Variants in BTG4 observed in about 807,000 individuals in gnomAD.
The protein encoded by BTG4 is BTG anti-proliferation factor 4.
Under a neutral mutation model 19.3 loss-of-function variants are expected in BTG4, and 10 were observed. The observed-to-expected ratio is 0.52, with a 90% confidence interval of 0.32 to 0.88. The LOEUF is 0.88. Ranked by LOEUF, BTG4 falls within the 40% of genes least tolerant of loss-of-function variation. The pLI is 0.04. For missense variants in BTG4, 238 were observed against 281.9 expected (o/e 0.84, Z 1.11); for synonymous variants, 91 against 95.7 (o/e 0.95, Z 0.29).
chr11:111,443,603 G>A, the BTG4 span, among the ~76,000 whole-genome samples: 15 of 152,310 alleles, frequency 9.8e-5, no homozygotes, highest in South Asian at 1.7e-3. Flanking sequence ...AAAAAAAAGA[G>A]AGACAAAAGG....
intron 5 of BTG4, among the ~76,000 whole-genome samples, chr11:111,484,070 A>C (rs1864902886): frequency 6.6e-6 from 1 of 152,164 alleles, no homozygotes; most frequent in African/African-American, 2.4e-5. Flanking sequence ...GTGGAATGAC[A>C]TTCAAAGTGC....
the BTG4 span, among the ~76,000 whole-genome samples, chr11:111,408,914 A>T: frequency 6.6e-6 from 1 of 152,320 alleles, no homozygotes; most frequent in East Asian, 1.9e-4. Flanking sequence ...AGGAGACACA[A>T]GGTGCTGTGG....
At chr11:111,491,974 T>C (rs1405831793), downstream of BTG4, among the ~76,000 whole-genome samples, 1 of 152,158 alleles carries the variant, frequency 6.6e-6, no homozygotes, top group Non-Finnish European at 1.5e-5. Context: ...CAGAGCCTCC[T>C]GAGAGGCTCT....
the BTG4 span, among the ~76,000 whole-genome samples, chr11:111,446,081 C>G: frequency 1.3e-5 from 2 of 152,110 alleles, no homozygotes; most frequent in African/African-American, 4.8e-5. Context: ...CAGAACATCC[C>G]TTAAGACCTC....
At chr11:111,432,856 T>A in the BTG4 span, among the ~76,000 whole-genome samples, 1 of 150,186 alleles carries the variant, frequency 6.7e-6, no homozygotes, top group Admixed American at 6.7e-5. Context: ...GTAATATATC[T>A]TTTTTTTTTC....
the BTG4 span, among the ~76,000 whole-genome samples, chr11:111,454,753 A>G: frequency 6.7e-6 from 1 of 148,378 alleles, no homozygotes; most frequent in Non-Finnish European, 1.5e-5. Context: ...CTTCCCCAGC[A>G]GAATGTGCAT....
At chr11:111,432,076 T>A in the BTG4 span, among the ~76,000 whole-genome samples, 1 of 152,232 alleles carries the variant, frequency 6.6e-6, no homozygotes, top group African/African-American at 2.4e-5. Context: ...GTACCTACTA[T>A]TGATTCCTTT....
downstream of BTG4, among the ~76,000 whole-genome samples, chr11:111,491,791 A>G (rs1179839217): frequency 6.6e-6 from 1 of 151,842 alleles, no homozygotes; most frequent in Non-Finnish European, 1.5e-5. Context: ...AGTGGTACAT[A>G]CTCATCATAG....
chr11:111,481,199 A>G (rs943337124), intron 5 of BTG4, among the ~76,000 whole-genome samples: 21 of 152,100 alleles, frequency 1.4e-4, no homozygotes, highest in Non-Finnish European at 2.5e-4. Flanking sequence ...AAATAGGCTA[A>G]TTTGTTAAGA....
the BTG4 span, among the ~76,000 whole-genome samples, chr11:111,392,998 T>C: frequency 6.6e-6 from 1 of 152,328 alleles, no homozygotes; most frequent in South Asian, 2.1e-4. Context: ...AGTCTTATGG[T>C]ACTGCCTGAA....
In BTG4 at chr11:111,511,979, A is replaced by T. The variant is rs190020555; in HGVS notation, c.-27+202T>A. Reference sequence around the variant, plus strand: ...TTGATCTCAAGAGGACCACGATTTGATGTAACTAACAAGCTGCCTGGCTCA... The same window carrying T: ...TTGATCTCAAGAGGACCACGATTTGTTGTAACTAACAAGCTGCCTGGCTCA... On this transcript the variant is annotated intron_variant, in intron 1 of 4. Transcript: ENST00000692032. Among the ~76,000 whole-genome samples the T allele has an allele frequency of 7.2e-5, 11 of 152,262 alleles. No individual in the cohort carries two copies. The East Asian group carries it at 1.9e-3, about 27-fold the overall frequency.
intron 5 of BTG4, among the ~76,000 whole-genome samples, chr11:111,481,687 T>C (rs1864751976): frequency 6.6e-6 from 1 of 151,838 alleles, no homozygotes; most frequent in Non-Finnish European, 1.5e-5. Context: ...AAAAAAATCA[T>C]AGTAATCCAC....
chr11:111,414,327 A>G, the BTG4 span: 1 of 152,140 alleles, frequency 6.6e-6, no homozygotes, highest in African/African-American at 2.4e-5. Context: ...CCCACCAGGG[A>G]GAGCGGTCCA....
At chr11:111,478,196 T>A (rs930505244) in intron 5 of BTG4, among the ~76,000 whole-genome samples, 4 of 152,142 alleles carry the variant, frequency 2.6e-5, no homozygotes, top group Non-Finnish European at 4.4e-5. Flanking sequence ...CCAGTGATAA[T>A]GAGGCCACCC....
the BTG4 span, among the ~76,000 whole-genome samples, chr11:111,388,046 C>A: frequency 6.6e-6 from 1 of 152,124 alleles, no homozygotes; most frequent in Non-Finnish European, 1.5e-5. Flanking sequence ...ACTTATTGAG[C>A]ACAAACTTTG....
chr11:111,448,227 G>A, the BTG4 span, among the ~76,000 whole-genome samples: 1 of 152,182 alleles, frequency 6.6e-6, no homozygotes, highest in East Asian at 1.9e-4. Flanking sequence ...ATGCAGAGAG[G>A]GTAGGAGCTG....
intron 3 of BTG4, 40 bp from the exon 4 acceptor site, chr11:111,497,449 A>G (rs1341464940): frequency 4.0e-6 from 5 of 1,261,918 alleles, no homozygotes; most frequent in Admixed American, 2.8e-5. Flanking sequence ...TTAGCGATTC[A>G]ACTTTCTACA....
chr11:111,392,393 G>A, the BTG4 span, among the ~76,000 whole-genome samples: 1 of 151,922 alleles, frequency 6.6e-6, no homozygotes, highest in Admixed American at 6.6e-5. Flanking sequence ...TAGCCAGGAT[G>A]GTCTTGATCT....
At chr11:111,485,102 C>T (rs141703886) in intron 5 of BTG4, among the ~76,000 whole-genome samples, 41 of 152,124 alleles carry the variant, frequency 2.7e-4, no homozygotes, top group African/African-American at 7.7e-4. Context: ...CTGGAGCACC[C>T]GGATTTATAA....
Sources: gnomAD v4.1 joint callset for allele counts (sites outside exome capture counted in the v4.1 genomes callset) on GRCh38, gnomAD v4.1.1 for gene constraint, MANE v1.5 for transcripts, NCBI Gene and HGNC (gene_info 2026-07-23, HGNC 2026-07-21) for gene names.